The following CDH13 variants were observed in gnomAD, a reference collection of about 807,000 sequenced individuals.
CDH13 encodes cadherin 13.
A neutral mutation model predicts 63.8 loss-of-function variants in CDH13; 24 were observed. That is an observed-to-expected ratio of 0.38 (90% confidence interval 0.27 to 0.53). The LOEUF is 0.53. CDH13 is among the 20% of genes least tolerant of loss of function. The pLI is 0.85. For synonymous variants in CDH13, 503 were observed against 355.3 expected (o/e 1.42, Z -4.67); for missense variants, 1,049 against 903.1 (o/e 1.16, Z -2.07).
At chr16:83,555,084 C>T (rs1487951481) in intron 7 of CDH13, among the ~76,000 whole-genome samples, 2 of 152,182 alleles carry the variant, frequency 1.3e-5, no homozygotes, top group East Asian at 1.9e-4. Flanking sequence ...CTTGCAGCCC[C>T]TCACTGACCA....
chr16:83,683,143 C>G (rs1407840090), intron 10 of CDH13, among the ~76,000 whole-genome samples: 1 of 152,172 alleles, frequency 6.6e-6, no homozygotes. Context: ...AAGGGGTGTC[C>G]AAACATCAGA....
chr16:82,699,674 G>A (rs1447793998), intron 1 of CDH13, among the ~76,000 whole-genome samples: 3 of 152,174 alleles, frequency 2.0e-5, no homozygotes, highest in African/African-American at 7.2e-5. Flanking sequence ...CACACATTTT[G>A]CATCCTTACA....
At chr16:83,263,338 T>C (rs1907207707) in intron 5 of CDH13, among the ~76,000 whole-genome samples, 4 of 152,222 alleles carry the variant, frequency 2.6e-5, no homozygotes. Context: ...AGTGAATATA[T>C]AACAGCGATG....
intron 1 of CDH13, among the ~76,000 whole-genome samples, chr16:82,731,443 A>C (rs938334416): frequency 7.2e-5 from 11 of 152,250 alleles, no homozygotes; most frequent in African/African-American, 2.4e-4. Flanking sequence ...AAATGTGTTG[A>C]TTCTGGTAGC....
intron 5 of CDH13, among the ~76,000 whole-genome samples, chr16:83,286,186 T>A (rs2151860938): frequency 6.6e-6 from 1 of 152,208 alleles, no homozygotes; most frequent in South Asian, 2.1e-4. Context: ...CCTCAAGGAG[T>A]TTCGCCTCTA....
intron 3 of CDH13, among the ~76,000 whole-genome samples, chr16:83,104,189 G>T (rs2151608114): frequency 6.6e-6 from 1 of 152,278 alleles, no homozygotes; most frequent in Non-Finnish European, 1.5e-5. Flanking sequence ...ACTGGGCCCA[G>T]GGAAACCTCA....
intron 1 of CDH13, among the ~76,000 whole-genome samples, chr16:82,789,013 C>T (rs8050519): frequency 1.3e-5 from 2 of 152,270 alleles, no homozygotes; most frequent in East Asian, 1.9e-4. Flanking sequence ...TTTGGACTCA[C>T]CTCTGGGTTG....
At chr16:82,636,204 T>C (rs1470830070) in intron 1 of CDH13, among the ~76,000 whole-genome samples, 1 of 152,112 alleles carries the variant, frequency 6.6e-6, no homozygotes. Context: ...CTGCTTGAGT[T>C]CTGACTCTTC....
intron 6 of CDH13, among the ~76,000 whole-genome samples, chr16:83,363,740 C>G (rs2091206959): frequency 6.6e-6 from 1 of 152,192 alleles, no homozygotes; most frequent in Non-Finnish European, 1.5e-5. Flanking sequence ...GTGGCAGATC[C>G]TTTGGAACGG....
chr16:83,240,162 G>C (rs1408117292), intron 5 of CDH13, among the ~76,000 whole-genome samples: 3 of 152,056 alleles, frequency 2.0e-5, no homozygotes, highest in Admixed American at 6.6e-5. Flanking sequence ...CTTTGTTGGT[G>C]TACCCCTCAT....
intron 6 of CDH13, among the ~76,000 whole-genome samples, chr16:83,479,295 C>G (rs1473840219): frequency 6.6e-6 from 1 of 152,188 alleles, no homozygotes; most frequent in Non-Finnish European, 1.5e-5. Context: ...CAAGCTATTT[C>G]CCTCGTCATG....
intron 11 of CDH13, among the ~76,000 whole-genome samples, chr16:83,755,340 G>T (rs1402731315): frequency 6.6e-6 from 1 of 152,112 alleles, no homozygotes; most frequent in Non-Finnish European, 1.5e-5. Context: ...TGTGGAATTG[G>T]AGTTACAGAA....
intron 1 of CDH13, among the ~76,000 whole-genome samples, chr16:82,649,122 G>C (rs188420067): frequency 1.1e-4 from 16 of 152,270 alleles, no homozygotes; most frequent in African/African-American, 3.4e-4. Context: ...CTTTACATTT[G>C]TTGCTTGTTT....
chr16:82,722,592 A>G (rs1347885380), intron 1 of CDH13, among the ~76,000 whole-genome samples: 1 of 152,094 alleles, frequency 6.6e-6, no homozygotes, highest in African/African-American at 2.4e-5. Flanking sequence ...ATTTTCATGG[A>G]CCAAGTATGG....
chr16:82,939,118 G>C (rs1285075732), intron 2 of CDH13, among the ~76,000 whole-genome samples: 4 of 152,150 alleles, frequency 2.6e-5, no homozygotes, highest in Non-Finnish European at 5.9e-5. Flanking sequence ...TGTGGAAAAT[G>C]GCATTAGAAA....
intron 10 of CDH13, chr16:83,721,806 G>C (rs544878715): frequency 6.6e-6 from 1 of 152,264 alleles, no homozygotes; most frequent in African/African-American, 2.4e-5. Context: ...AGCAGGACAA[G>C]ACAGAGTTTG....
chr16:83,022,260 T>C (rs1218227482), intron 2 of CDH13, among the ~76,000 whole-genome samples: 1 of 152,242 alleles, frequency 6.6e-6, no homozygotes, highest in East Asian at 1.9e-4. Context: ...TTAACCAATA[T>C]GCAGGACCTT....
intron 3 of CDH13, among the ~76,000 whole-genome samples, chr16:83,104,440 A>G (rs946666556): frequency 1.2e-4 from 19 of 152,230 alleles, no homozygotes; most frequent in Non-Finnish European, 2.2e-4. Flanking sequence ...AGAGAGGCCA[A>G]TGAAAGACAC....
chr16:83,276,497 T>A (rs536090877), intron 5 of CDH13, among the ~76,000 whole-genome samples: 180 of 152,178 alleles, frequency 1.2e-3, no homozygotes, highest in African/African-American at 4.1e-3. Flanking sequence ...ACTGGGCAAT[T>A]TACAAAAGAA....
Sources: allele counts gnomAD v4.1 joint callset (sites outside exome capture counted in the v4.1 genomes callset), GRCh38; gene constraint gnomAD v4.1.1; transcripts MANE v1.5; gene names NCBI Gene and HGNC (gene_info 2026-07-23, HGNC 2026-07-21).